Variants in STK39 observed in about 807,000 individuals in gnomAD.
STK39 encodes the protein STE20/SPS1-related proline-alanine-rich protein kinase.
STK39 carries 20 observed loss-of-function variants against 77.8 expected under a neutral mutation model. The ratio of observed to expected loss-of-function variants is 0.26; its 90% confidence interval spans 0.18 to 0.37. STK39 has a LOEUF of 0.37. Ranked by LOEUF, STK39 falls within the 10% of genes least tolerant of loss-of-function variation. The pLI, the probability that STK39 is intolerant of heterozygous loss-of-function variation, is 1.00. For synonymous variants in STK39, 246 were observed against 234.1 expected, an observed-to-expected ratio of 1.05 and a Z score of -0.47; for missense variants, 479 against 656.5, an observed-to-expected ratio of 0.73 and a Z score of 2.95.
chr2:168,123,541 A>C (rs1687461959), intron 10 of STK39, among the ~76,000 whole-genome samples: 1 of 152,142 alleles, frequency 6.6e-6, no homozygotes, highest in African/African-American at 2.4e-5. Flanking sequence ...TATTTTTCTA[A>C]CTTTTTTGTA....
At chr2:168,003,086 C>G (rs1367276914) in intron 16 of STK39, among the ~76,000 whole-genome samples, 1 of 152,286 alleles carries the variant, frequency 6.6e-6, no homozygotes, top group Middle Eastern at 3.4e-3. Flanking sequence ...TGGGTTGAAA[C>G]GATTCTCCTG....
chr2:168,100,280 C>T (rs1047876159), intron 10 of STK39, among the ~76,000 whole-genome samples: 2 of 152,138 alleles, frequency 1.3e-5, no homozygotes, highest in African/African-American at 2.4e-5. Context: ...AAGTAGATGC[C>T]TTGCCAGCCT....
chr2:167,960,672 T>C (rs1691929467), intron 17 of STK39, among the ~76,000 whole-genome samples: 1 of 152,046 alleles, frequency 6.6e-6, no homozygotes, highest in Admixed American at 6.5e-5. Flanking sequence ...CTGCACCCCA[T>C]GGAGGAGCTG....
At chr2:168,042,486 G>T (rs1333786984) in intron 14 of STK39, among the ~76,000 whole-genome samples, 1 of 151,816 alleles carries the variant, frequency 6.6e-6, no homozygotes, top group African/African-American at 2.4e-5. Flanking sequence ...GGTTAGCCCA[G>T]TTCAAAGGTA....
chr2:168,110,061 CTT>C (rs1371513157), intron 10 of STK39, among the ~76,000 whole-genome samples: 1 of 152,046 alleles, frequency 6.6e-6, no homozygotes. Flanking sequence ...CTTTAACAGT[CTT>C]TTCTTTTATA....
At chr2:168,014,237 C>T (rs1684349473) in intron 15 of STK39, among the ~76,000 whole-genome samples, 1 of 152,106 alleles carries the variant, frequency 6.6e-6, no homozygotes. Flanking sequence ...GTAATTCCAG[C>T]ACTTTAGGAG....
At chr2:167,964,632 A>C in intron 17 of STK39, 30 bp downstream of exon 17, 1 of 1,565,550 alleles carries the variant, frequency 6.4e-7, no homozygotes, top group Non-Finnish European at 8.8e-7. Flanking sequence ...GCAAAATATT[A>C]CCTCCTTCTT....
At position 168,140,658 on chromosome 2, in the gene STK39, G is replaced by A. The variant is rs1339325004; in HGVS notation, c.729C>T (p.Val243=). The A allele has an allele frequency of 6.3e-7, 1 of 1,599,676 alleles. No individual in the cohort carries two copies. The highest frequency in any genetic ancestry group is 8.5e-7 in the Non-Finnish European group (1 of 1,172,846). The change falls in exon 6 of 18, where the codon GTC becomes GTT. Residue 243 remains valine, a synonymous_variant. Transcript: ENST00000355999. The part of the protein sequence containing the change: ...VGTPCWMAPE[V]MEQVRGYDFK... ...TTTTTTGTTTTTTTACCTGTTCCAT[G>A]ACTTCAGGAGCCATCCAACATGGGG...
chr2:168,175,979 C>T (rs1363934899), intron 2 of STK39, among the ~76,000 whole-genome samples: 1 of 152,230 alleles, frequency 6.6e-6, no homozygotes, highest in East Asian at 1.9e-4. Flanking sequence ...GGCTTGCATG[C>T]TAATGCTATA....
At chr2:168,010,010 G>C (rs1008070483) in intron 16 of STK39, among the ~76,000 whole-genome samples, 10 of 152,146 alleles carry the variant, frequency 6.6e-5, no homozygotes, top group African/African-American at 2.2e-4. Context: ...CTTGACTGTA[G>C]GTCTGAAGCA....
intron 1 of STK39, among the ~76,000 whole-genome samples, chr2:168,210,949 T>C (rs1221643862): frequency 1.3e-5 from 2 of 152,222 alleles, no homozygotes; most frequent in East Asian, 1.9e-4. Context: ...ATTTCACTTG[T>C]CTTTCTCTGA....
At chr2:168,206,451 C>A (rs2105686396) in intron 1 of STK39, among the ~76,000 whole-genome samples, 1 of 152,232 alleles carries the variant, frequency 6.6e-6, no homozygotes, top group East Asian at 1.9e-4. Context: ...CAAGCGTCCG[C>A]CACCACACCC....
intron 2 of STK39, among the ~76,000 whole-genome samples, chr2:168,180,021 T>C (rs1279342736): frequency 6.6e-6 from 1 of 151,306 alleles, no homozygotes; most frequent in Admixed American, 6.6e-5. Flanking sequence ...GCAAAAAAAA[T>C]GGCTGAGACC....
chr2:167,967,741 C>T (rs80122170), intron 16 of STK39, among the ~76,000 whole-genome samples: 1,706 of 152,280 alleles, frequency 0.011, 16 homozygotes, highest in Middle Eastern at 0.031. Flanking sequence ...ATTCTCCAGA[C>T]ACTGTTTTCT....
chr2:167,978,855 A>G (rs1683345151), intron 16 of STK39, among the ~76,000 whole-genome samples: 1 of 152,024 alleles, frequency 6.6e-6, no homozygotes, highest in Admixed American at 6.5e-5. Context: ...ATGCTACACA[A>G]GCAGAATCAT....
In STK39 at chr2:168,011,580, T is replaced by C. The variant is rs1029485504; in HGVS notation, c.1498+1054A>G. On this transcript the variant is annotated intron_variant, in intron 16 of 17. Transcript: ENST00000355999. ...AGCATGGAGCTATTCATCCTCACCC[T>C]AGGTGGAACCAGGCTACACATTTTC... is the stretch of plus-strand genomic sequence containing the variant. 7.2e-5 allele frequency among the ~76,000 whole-genome samples: 11 copies of C among 152,180 alleles called. 1 individual carries two copies. The South Asian group carries it at 1.9e-3, about 26-fold the overall frequency.
At chr2:167,961,072 A>G (rs1430998612) in intron 17 of STK39, among the ~76,000 whole-genome samples, 1 of 152,200 alleles carries the variant, frequency 6.6e-6, no homozygotes, top group Non-Finnish European at 1.5e-5. Flanking sequence ...GCACAGAGAC[A>G]TGGACCTTCT....
intron 16 of STK39, among the ~76,000 whole-genome samples, chr2:167,970,605 G>T (rs139578828): frequency 6.6e-6 from 1 of 152,176 alleles, no homozygotes; most frequent in South Asian, 2.1e-4. Flanking sequence ...AATCCTATTC[G>T]TTTGCCCTGT....
intron 10 of STK39, among the ~76,000 whole-genome samples, chr2:168,102,049 T>C (rs1686842260): frequency 6.6e-6 from 1 of 152,228 alleles, no homozygotes; most frequent in Non-Finnish European, 1.5e-5. Flanking sequence ...TGGGTCTTTC[T>C]TTCCATTCAT....
Sources: allele counts gnomAD v4.1 joint callset (sites outside exome capture counted in the v4.1 genomes callset), GRCh38; gene constraint gnomAD v4.1.1; transcripts MANE v1.5; gene names NCBI Gene and HGNC (gene_info 2026-07-23, HGNC 2026-07-21).